INF2: variants seen among roughly 807,000 people sequenced by gnomAD.
The protein encoded by INF2 is inverted formin 2, also known as inverted formin-2.
A neutral mutation model predicts 123.5 loss-of-function variants in INF2; 43 were observed. The observed-to-expected ratio is 0.35, with a 90% confidence interval of 0.27 to 0.45. INF2 has a LOEUF of 0.45. INF2 is among the 20% of genes least tolerant of loss of function. The pLI is 1.00. For missense variants in INF2, 1,453 were observed against 1,682.7 expected (o/e 0.86, Z 2.39); for synonymous variants, 851 against 745.0 (o/e 1.14, Z -2.32).
Position 104,699,666 on chromosome 14 carries a change from C to A in INF2, c.-9-1691C>A. ...GAGGGTGGCTTAAAACCACAGTGCACCGGGGGCTCCGGGCTCTCCGTTCTA... is the reference window on the plus strand; with the variant it reads ...GAGGGTGGCTTAAAACCACAGTGCAACGGGGGCTCCGGGCTCTCCGTTCTA... On this transcript the variant is annotated intron_variant, in intron 1 of 22. Transcript: ENST00000392634. The surrounding 1 kb of genome is among the most constrained non-coding windows in gnomAD (Gnocchi z 4.7). The A allele has an allele frequency of 1.2e-6, 1 of 838,670 alleles. No individual in the cohort carries two copies. The highest frequency in any genetic ancestry group is 1.4e-6 in the Non-Finnish European group (1 of 696,442). The allele number at this position is 838,670 out of a possible 1,614,324, so 52.0% of individuals were successfully genotyped here. A position where few individuals can be genotyped will look rare whatever the true frequency, so the allele number is the denominator to read the frequency against.
intron 1 of INF2, among the ~76,000 whole-genome samples, chr14:104,696,137 C>T (rs1352854162): frequency 2.0e-5 from 3 of 152,220 alleles, no homozygotes; most frequent in South Asian, 2.1e-4. Context: ...CTGCTGAGAG[C>T]GCCTTTCTGC....
rs866087451 is a variant in INF2 at position 104,710,831 on chromosome 14, G to A, written c.2240-106G>A. The A allele has an allele frequency of 7.5e-5, 71 of 943,460 alleles. 1 individual carries two copies. The Middle Eastern group carries it at 3.3e-3, about 44-fold the overall frequency. 58.4% of individuals were successfully genotyped at this position (943,460 alleles called of 1,614,324 possible). On this transcript the variant is annotated intron_variant, in intron 13 of 22. Transcript: ENST00000392634. ...CCGGTGCTGGGCTGAGCCTGGGGAG[G>A]AGCCAGGGAGTGCAGGGGCACTGGC...
upstream of INF2, chr14:104,689,584 TCTTC>T: frequency 1.1e-6 from 1 of 879,024 alleles, no homozygotes; most frequent in Non-Finnish European, 1.3e-6. Flanking sequence ...CGGCACCTCC[TCTTC>T]CTCCCGCCCG....
rs1211639251 is a variant in INF2 at position 104,707,774 on chromosome 14, C to A, written c.1507C>A (p.Pro503Thr). Residue 503 changes from proline (P) to threonine (T), a missense_variant, in exon 8 of 23, where the codon CCC becomes ACC. Pro to Thr is a conservative substitution (Grantham distance 38). Transcript: ENST00000392634. ...CCCGGGCTTGGGATGCCCGCCCCCA[C>A]CCCCACCCCTGCTGCCTGGTATGGG... ...PLPGLGCPPPPPPLLPGMGWG... is the reference protein window; with the variant it reads ...PLPGLGCPPPTPPLLPGMGWG... 5.2e-6 allele frequency: 7 copies of A among 1,345,636 alleles called. No individual in the cohort carries two copies. Among genetic ancestry groups the A allele is most frequent in the East Asian group, 2.5e-5 (1 of 39,878 alleles). The allele number at this position is 1,345,636 out of a possible 1,614,324, so 83.4% of individuals were successfully genotyped here.
At position 104,714,407 on chromosome 14, in the gene INF2, C is replaced by T. The variant is rs1290060097; in HGVS notation, c.3245C>T (p.Ala1082Val). 1 of 1,604,764 alleles carries T rather than the reference C, an allele frequency of 6.2e-7. No individual in the cohort carries two copies. The highest frequency in any genetic ancestry group is 8.5e-7 in the Non-Finnish European group (1 of 1,176,118). ...AGGCGTTCTTCCTGGTATGTGGATG[C>T]CAGCGATGTCCTAACCACTGAGGAT... ...LERRSSWYVD[A>V]SDVLTTEDPQ... The change falls in exon 21 of 23, where the codon GCC becomes GTC. Residue 1082 changes from alanine to valine, a missense_variant. Physicochemically the swap from Ala to Val is moderately conservative, Grantham distance 64. This residue lies in a region of INF2 where 344 missense variants were observed against 333.1 expected (regional missense o/e 1.03). Transcript: ENST00000392634.
At position 104,718,831 on chromosome 14, in the gene INF2, C is replaced by T. The variant is rs765727524; in HGVS notation, c.*38C>T. On this transcript the variant is annotated 3_prime_UTR_variant, in exon 23 of 23. Transcript: ENST00000392634. ...AGGCCCAAGGCCAAGTGAGAGAGCC[C>T]AGGCCACAGGACATGCTGCCATTCT... 6.2e-7 allele frequency: 1 copy of T among 1,612,348 alleles called. No individual in the cohort carries two copies. Among genetic ancestry groups the T allele is most frequent in the Non-Finnish European group, 8.5e-7 (1 of 1,179,564 alleles).
intron 1 of INF2, among the ~76,000 whole-genome samples, chr14:104,683,082 T>C (rs1211889311): frequency 2.7e-5 from 4 of 147,292 alleles, no homozygotes; most frequent in Non-Finnish European, 4.5e-5. Flanking sequence ...CGTGAGCCAC[T>C]GCTACCTTAA....
intron 20 of INF2, 32 bp from the exon 21 acceptor site, chr14:104,714,171 C>A: frequency 6.8e-7 from 1 of 1,463,892 alleles, no homozygotes; most frequent in South Asian, 1.4e-5. Context: ...GGGCAGGGTG[C>A]CTGCCCTTCA....
chr14:104,713,164 G>A, intron 18 of INF2, 43 bp from the exon 19 acceptor site: 18 of 1,577,052 alleles, frequency 1.1e-5, no homozygotes, highest in Non-Finnish European at 1.4e-5. Context: ...GAGCCCCTGA[G>A]GGATGCCACG....
chr14:104,715,725 A>C (rs1890268736), intron 22 of INF2: 3 of 521,992 alleles, frequency 5.7e-6, no homozygotes. Context: ...TCCTGGCGCT[A>C]ACTGCAGTTC....
intron 11 of INF2, 47 bp from the exon 12 acceptor site, chr14:104,709,573 G>T: frequency 6.4e-7 from 1 of 1,554,692 alleles, no homozygotes; most frequent in Non-Finnish European, 8.9e-7. Flanking sequence ...CCGGGAGGGC[G>T]GGAAGCTGGC....
intron 12 of INF2, among the ~76,000 whole-genome samples, 160 bp from the exon 13 acceptor site, chr14:104,709,928 C>T (rs1889967333): frequency 6.6e-6 from 1 of 152,196 alleles, no homozygotes; most frequent in African/African-American, 2.4e-5. Flanking sequence ...GAATTGGATC[C>T]TGCTCTGCGC....
chr14:104,710,886 T>C, intron 13 of INF2, 51 bp from the exon 14 acceptor site: 1 of 1,544,488 alleles, frequency 6.5e-7, no homozygotes, highest in Non-Finnish European at 8.9e-7. Flanking sequence ...CGCCAGGGCA[T>C]CTGGGGGCTC....
Position 104,707,611 on chromosome 14 carries a change from T to C in INF2, c.1344T>C (p.Ser448=). Residue 448 remains serine (S), a synonymous_variant, in exon 8 of 23, where the codon AGT becomes AGC. Transcript: ENST00000392634. ...CTCCCCCACCACCCCCCCTGCCCAG[T>C]GTGGGGGCTAAGGCCCTCCCAACAG... is the stretch of plus-strand genomic sequence containing the variant. ...PPPPPPPPLP[S]VGAKALPTAP... The C allele has an allele frequency of 1.3e-6, 1 of 790,604 alleles. No individual in the cohort carries two copies. Among genetic ancestry groups the C allele is most frequent in the Non-Finnish European group, 1.8e-6 (1 of 562,640 alleles). The allele number at this position is 790,604 out of a possible 1,614,324, so 49.0% of individuals were successfully genotyped here. A position where few individuals can be genotyped will look rare whatever the true frequency, so the allele number is the denominator to read the frequency against.
At chr14:104,711,487 A>G in intron 15 of INF2, 142 bp from the exon 16 acceptor site, 1 of 775,312 alleles carries the variant, frequency 1.3e-6, no homozygotes. Flanking sequence ...GCCAGGCCCA[A>G]GGGAAAGATT....
At chr14:104,707,111 C>CCATG in intron 7 of INF2, 60 bp downstream of exon 7, 1 of 1,529,802 alleles carries the variant, frequency 6.5e-7, no homozygotes, top group Non-Finnish European at 8.8e-7. Flanking sequence ...AGGTCTTAGA[C>CCATG]CATGGGGGGG....
chr14:104,706,795 G>T, intron 6 of INF2, 115 bp from the exon 7 acceptor site: 1 of 1,187,822 alleles, frequency 8.4e-7, no homozygotes, highest in East Asian at 2.5e-5. Context: ...CATCTCTAGG[G>T]ATCCGTGGGA....
upstream of INF2, chr14:104,689,185 G>C (rs769958619): frequency 1.4e-5 from 14 of 984,970 alleles, no homozygotes; most frequent in Non-Finnish European, 1.7e-5. Context: ...AGGGATCCCC[G>C]AACGCGGGGA....
chr14:104,708,043 CG>C, intron 8 of INF2, 41 bp downstream of exon 8: 6 of 1,597,734 alleles, frequency 3.8e-6, no homozygotes, highest in Non-Finnish European at 5.1e-6. Flanking sequence ...TCCCCTAGGA[CG>C]GGGGCTGGTC....
Sources: allele counts gnomAD v4.1 joint callset (sites outside exome capture counted in the v4.1 genomes callset), GRCh38; gene constraint gnomAD v4.1.1; regional missense constraint gnomAD v4.1.1; non-coding constraint Gnocchi (gnomAD v3.1); transcripts MANE v1.5; gene names NCBI Gene and HGNC (gene_info 2026-07-23, HGNC 2026-07-21).